Variants in PABPC1L observed in about 807,000 individuals in gnomAD.
PABPC1L encodes polyadenylate-binding protein 1-like.
A neutral mutation model predicts 66.6 loss-of-function variants in PABPC1L; 31 were observed. That is an observed-to-expected ratio of 0.47 (90% CI 0.35 to 0.63). The LOEUF is 0.63. Among genes scored for constraint, PABPC1L ranks in the 20% least tolerant of loss-of-function variants. The pLI is 0.00. For missense variants in PABPC1L, 722 were observed against 848.8 expected, an observed-to-expected ratio of 0.85 and a Z score of 1.86; for synonymous variants, 348 against 335.1, an observed-to-expected ratio of 1.04 and a Z score of -0.42.
intron 11 of PABPC1L, 105 bp from the exon 12 acceptor site, chr20:44,936,532 C>A: frequency 1.1e-6 from 1 of 928,912 alleles, no homozygotes; most frequent in Non-Finnish European, 1.6e-6. Context: ...CCCTCTGTTC[C>A]CCTCCTCCAG....
At chr20:44,937,088 C>G in intron 12 of PABPC1L, 1 of 453,504 alleles carries the variant, frequency 2.2e-6, no homozygotes, top group Non-Finnish European at 4.4e-6. Flanking sequence ...AAGTTCCTCA[C>G]ACCTCTCCTG....
In PABPC1L at chr20:44,938,986, A is replaced by G. The variant is rs1177719764; in HGVS notation, c.*7-140A>G. 4 of 673,060 alleles carry G rather than the reference A, an allele frequency of 5.9e-6. No homozygotes were observed. In the African/African-American group the frequency reaches 7.1e-5, roughly 12 times the overall value. 41.7% of individuals were successfully genotyped at this position (673,060 alleles called of 1,614,324 possible). On this transcript the variant is annotated intron_variant, in intron 14 of 14. Coordinates refer to ENST00000217073, the MANE Select transcript of PABPC1L (RefSeq NM_001372179.1). ...GCTGCCCTGCCTGGCTTCATGCAGA[A>G]TAGTTTGGGCTTTCCCAGGGCCCTG...
intron 11 of PABPC1L, among the ~76,000 whole-genome samples, chr20:44,936,200 AG>A (rs769568755): frequency 1.3e-5 from 2 of 152,126 alleles, no homozygotes; most frequent in Non-Finnish European, 2.9e-5. Context: ...CCTGGCCTCA[AG>A]CGATCCTCCC....
intron 2 of PABPC1L, among the ~76,000 whole-genome samples, chr20:44,915,782 A>G (rs1280349660): frequency 6.8e-6 from 1 of 147,084 alleles, no homozygotes; most frequent in Non-Finnish European, 1.5e-5. Context: ...CTGGGCAACA[A>G]GAGTGAAACT....
intron 12 of PABPC1L, chr20:44,937,090 C>A: frequency 2.2e-6 from 1 of 450,368 alleles, no homozygotes; most frequent in Admixed American, 2.5e-5. Flanking sequence ...GTTCCTCACA[C>A]CTCTCCTGAA....
intron 7 of PABPC1L, among the ~76,000 whole-genome samples, chr20:44,927,470 C>T (rs2145571101): frequency 6.6e-6 from 1 of 152,032 alleles, no homozygotes; most frequent in South Asian, 2.1e-4. Flanking sequence ...GCTTCAGCCT[C>T]CTGAGTAGCT....
At chr20:44,925,154 A>G (rs767501554) in intron 7 of PABPC1L, among the ~76,000 whole-genome samples, 24 of 141,986 alleles carry the variant, frequency 1.7e-4, no homozygotes, top group Non-Finnish European at 3.2e-4. Context: ...CGGAGCTTGC[A>G]GTGAGCCAAG....
intron 1 of PABPC1L, among the ~76,000 whole-genome samples, chr20:44,910,609 ACCAGGGATAGAAGC>A (rs1191587379): frequency 6.6e-6 from 1 of 152,090 alleles, no homozygotes; most frequent in Non-Finnish European, 1.5e-5. Context: ...GGTCAGGCGG[ACCAGGGATAGAAGC>A]CCAGCAGCCG....
intron 7 of PABPC1L, among the ~76,000 whole-genome samples, chr20:44,924,490 C>T (rs1166199858): frequency 1.3e-5 from 2 of 152,176 alleles, no homozygotes; most frequent in Non-Finnish European, 2.9e-5. Context: ...GGACTTGGGG[C>T]TCACTGTCAC....
intron 7 of PABPC1L, among the ~76,000 whole-genome samples, chr20:44,925,469 G>A (rs1047396785): frequency 6.6e-6 from 1 of 152,182 alleles, no homozygotes; most frequent in Non-Finnish European, 1.5e-5. Flanking sequence ...AGGCTGCCTG[G>A]AAGAAGTGGC....
intron 9 of PABPC1L, chr20:44,932,719 A>G (rs2066870687): frequency 2.0e-6 from 1 of 502,342 alleles, no homozygotes; most frequent in Admixed American, 3.4e-5. Context: ...AGAAGGTGAA[A>G]TTCCTCTGGC....
At position 44,915,018 on chromosome 20, in the gene PABPC1L, G is replaced by A. The variant is rs140315918; in HGVS notation, c.388-1738G>A. Among the ~76,000 whole-genome samples, 20 of 152,354 alleles carry A rather than the reference G, an allele frequency of 1.3e-4. No homozygotes were observed. In the East Asian group the frequency reaches 3.9e-3, roughly 29 times the overall value. On this transcript the variant is annotated intron_variant, in intron 2 of 14. Transcript: ENST00000217073. Reference sequence around the variant, plus strand: ...TAGCAGGTTCTTGACCCACAGTGGGGACCCAGTCAACGTGGTTAAATCCAA... The same window carrying A: ...TAGCAGGTTCTTGACCCACAGTGGGAACCCAGTCAACGTGGTTAAATCCAA...
At chr20:44,915,730 CG>C (rs2066733386) in intron 2 of PABPC1L, among the ~76,000 whole-genome samples, 1 of 145,316 alleles carries the variant, frequency 6.9e-6, no homozygotes, top group South Asian at 2.2e-4. Context: ...ACCTGGGAGG[CG>C]GGGGTTGCAG....
At chr20:44,917,165 G>A (rs1050646134) in intron 3 of PABPC1L, among the ~76,000 whole-genome samples, 4 of 152,094 alleles carry the variant, frequency 2.6e-5, no homozygotes, top group African/African-American at 7.2e-5. Flanking sequence ...GTTTTCATCT[G>A]TTTTCCAGCC....
At position 44,912,812 on chromosome 20, in the gene PABPC1L, T is replaced by A. The variant is rs951818792; in HGVS notation, c.346T>A (p.Tyr116Asn). ...GGACTCCATTGACAACAAGGCTTTA[T>A]ATGATACCTTCTCCACCTTTGGGAA... ...LEDSIDNKALYDTFSTFGNIL... is the reference protein window; with the variant it reads ...LEDSIDNKALNDTFSTFGNIL... Residue 116 changes from tyrosine (Y) to asparagine (N), a missense_variant, in exon 2 of 15, where the codon TAT becomes AAT. Around this residue, in one of 3 missense-constraint regions of PABPC1L, gnomAD observed 284 missense variants for 294.8 expected, o/e 0.96. Transcript: ENST00000217073. 1.9e-6 allele frequency: 3 copies of A among 1,614,088 alleles called. No homozygotes were observed. Among genetic ancestry groups the A allele is most frequent in the Non-Finnish European group, 2.5e-6 (3 of 1,180,034 alleles).
At chr20:44,938,031 G>A (rs780847924) in intron 12 of PABPC1L, 30 bp from the exon 13 acceptor site, 1 of 1,613,782 alleles carries the variant, frequency 6.2e-7, no homozygotes, top group Non-Finnish European at 8.5e-7. Context: ...GCTAGGCCGT[G>A]CACAAGCCAT....
intron 12 of PABPC1L, among the ~76,000 whole-genome samples, chr20:44,937,576 A>G (rs540653237): frequency 1.3e-5 from 2 of 151,962 alleles, no homozygotes; most frequent in Admixed American, 1.3e-4. Context: ...CACCATGACC[A>G]GCTAAGTTTT....
intron 9 of PABPC1L, chr20:44,932,777 C>T (rs1024822600): frequency 6.0e-6 from 3 of 500,252 alleles, no homozygotes; most frequent in Middle Eastern, 5.3e-4. Context: ...ATTGCACGCT[C>T]ACTTGAAACT....
intron 5 of PABPC1L, among the ~76,000 whole-genome samples, chr20:44,920,250 A>G (rs2066763939): frequency 6.6e-6 from 1 of 152,110 alleles, no homozygotes; most frequent in Admixed American, 6.5e-5. Context: ...ATCCACTATT[A>G]TGGTATCATG....
Sources: gnomAD v4.1 joint callset for allele counts (sites outside exome capture counted in the v4.1 genomes callset) on GRCh38, gnomAD v4.1.1 for gene constraint, gnomAD v4.1.1 regional missense constraint, MANE v1.5 for transcripts, NCBI Gene and HGNC (gene_info 2026-07-23, HGNC 2026-07-21) for gene names.